Variants in SLIT3 observed in about 807,000 individuals in gnomAD.
The protein encoded by SLIT3 is slit homolog 3 protein.
Under a neutral mutation model 184.0 loss-of-function variants are expected in SLIT3, and 68 were observed. That is an observed-to-expected ratio of 0.37 (90% CI 0.30 to 0.45). The LOEUF (loss-of-function observed/expected upper bound fraction) is 0.45, where lower values mean the gene tolerates loss of function less well. Among genes scored for constraint, SLIT3 ranks in the 20% least tolerant of loss-of-function variants. The pLI is 1.00. For synonymous variants in SLIT3, 831 were observed against 828.6 expected, an observed-to-expected ratio of 1.00 and a Z score of -0.05; for missense variants, 1,707 against 2,026.0, an observed-to-expected ratio of 0.84 and a Z score of 3.02.
chr5:169,100,013 T>C (rs1300214412), intron 4 of SLIT3, among the ~76,000 whole-genome samples: 2 of 152,186 alleles, frequency 1.3e-5, no homozygotes, highest in African/African-American at 4.8e-5. Flanking sequence ...TGACTGGCCT[T>C]TAGCTTGGAA....
chr5:168,678,471 C>T (rs532955339), intron 32 of SLIT3, among the ~76,000 whole-genome samples: 1 of 152,276 alleles, frequency 6.6e-6, no homozygotes, highest in East Asian at 1.9e-4. Context: ...ATCACAAGGT[C>T]AGGAGTTCGA....
intron 4 of SLIT3, among the ~76,000 whole-genome samples, chr5:169,009,542 G>T (rs1283626772): frequency 5.3e-5 from 8 of 152,302 alleles, no homozygotes; most frequent in African/African-American, 1.7e-4. Context: ...GTAAACCAGG[G>T]TTGTCATATT....
intron 4 of SLIT3, among the ~76,000 whole-genome samples, chr5:169,019,252 G>A (rs1022158526): frequency 5.9e-5 from 9 of 152,158 alleles, no homozygotes; most frequent in African/African-American, 1.9e-4. Flanking sequence ...TTGCAGAGGC[G>A]GGAAGCAAGT....
intron 26 of SLIT3, among the ~76,000 whole-genome samples, chr5:168,704,764 G>C (rs570095394): frequency 8.5e-5 from 13 of 152,256 alleles, no homozygotes; most frequent in African/African-American, 3.1e-4. Context: ...AGGTCACTCA[G>C]CTAGTCAATG....
intron 9 of SLIT3, among the ~76,000 whole-genome samples, chr5:168,800,825 T>C (rs943550370): frequency 2.6e-5 from 4 of 152,230 alleles, no homozygotes; most frequent in Non-Finnish European, 4.4e-5. Context: ...GGAAATTATT[T>C]TTTTGTCTTA....
At chr5:168,770,376 C>T (rs1045263813) in intron 14 of SLIT3, among the ~76,000 whole-genome samples, 9 of 152,144 alleles carry the variant, frequency 5.9e-5, no homozygotes, top group African/African-American at 1.9e-4. Flanking sequence ...AAAAGTAAAA[C>T]GCAGAGTTAT....
chr5:169,187,531 T>C (rs1354589454), intron 4 of SLIT3, among the ~76,000 whole-genome samples: 2 of 150,834 alleles, frequency 1.3e-5, no homozygotes, highest in Non-Finnish European at 2.9e-5. Context: ...GGATAAACTT[T>C]TTTTCTTTTC....
At chr5:169,057,593 T>C (rs1274276256) in intron 4 of SLIT3, among the ~76,000 whole-genome samples, 1 of 152,166 alleles carries the variant, frequency 6.6e-6, no homozygotes, top group Non-Finnish European at 1.5e-5. Flanking sequence ...TGCGAGGACC[T>C]CTCAGTAGAA....
chr5:168,867,221 A>T (rs1399452784), intron 5 of SLIT3, among the ~76,000 whole-genome samples: 2 of 152,218 alleles, frequency 1.3e-5, no homozygotes, highest in Non-Finnish European at 2.9e-5. Flanking sequence ...GAAACCATGC[A>T]ATTATTACTT....
At chr5:168,800,334 C>A (rs2113616373) in intron 9 of SLIT3, among the ~76,000 whole-genome samples, 1 of 152,302 alleles carries the variant, frequency 6.6e-6, no homozygotes, top group South Asian at 2.1e-4. Flanking sequence ...GCCTGTAATC[C>A]CAGCACTTTG....
At chr5:168,953,782 CT>C (rs1561570960) in intron 4 of SLIT3, among the ~76,000 whole-genome samples, 1 of 152,204 alleles carries the variant, frequency 6.6e-6, no homozygotes, top group Non-Finnish European at 1.5e-5. Context: ...CTCTTTTGGG[CT>C]CCATAATTTA....
chr5:169,087,103 C>G (rs1759333330), intron 4 of SLIT3, among the ~76,000 whole-genome samples: 1 of 152,234 alleles, frequency 6.6e-6, no homozygotes, highest in Admixed American at 6.5e-5. Flanking sequence ...CTTGCACCCT[C>G]CCGGCATGCT....
intron 17 of SLIT3, 151 bp from the exon 18 acceptor site, chr5:168,753,249 G>A (rs1448235195): frequency 9.3e-6 from 7 of 750,156 alleles, no homozygotes; most frequent in Non-Finnish European, 1.5e-5. Flanking sequence ...TCCTGTGATA[G>A]CAGGGACTGG....
chr5:168,810,018 G>T (rs1757111750), intron 8 of SLIT3, among the ~76,000 whole-genome samples: 1 of 152,170 alleles, frequency 6.6e-6, no homozygotes, highest in Non-Finnish European at 1.5e-5. Context: ...GCCCCTCTGA[G>T]CCTATCTCAC....
chr5:168,725,488 T>A (rs1366252858), intron 20 of SLIT3, among the ~76,000 whole-genome samples: 1 of 152,228 alleles, frequency 6.6e-6, no homozygotes, highest in Non-Finnish European at 1.5e-5. Flanking sequence ...TTTGATCTCC[T>A]TGGTGATCTA....
intron 4 of SLIT3, among the ~76,000 whole-genome samples, chr5:168,891,891 GAC>G (rs1760477044): frequency 6.6e-6 from 1 of 152,186 alleles, no homozygotes; most frequent in Admixed American, 6.5e-5. Context: ...GCTGCATGTG[GAC>G]AACAGGAATA....
At position 169,190,066 on chromosome 5, in the gene SLIT3, C is replaced by A. The variant is rs79084584; in HGVS notation, c.413+3413G>T. The stretch of plus-strand genomic sequence containing the variant: ...AAAATTACTCTCTACTATGGGGAAC[C>A]CATTCTCTAAGCAAGTGGGATGAAC... On this transcript the variant is annotated intron_variant, in intron 4 of 35. Coordinates refer to ENST00000519560, the MANE Select transcript of SLIT3 (RefSeq NM_003062.4). 5.9e-5 allele frequency among the ~76,000 whole-genome samples: 9 copies of A among 152,320 alleles called. No homozygotes were observed. In the East Asian group the frequency reaches 9.6e-4, roughly 16 times the overall value.
At chr5:168,772,998 C>A (rs935983524) in intron 13 of SLIT3, 54 bp from the exon 14 acceptor site, 70 of 1,515,138 alleles carry the variant, frequency 4.6e-5, no homozygotes, top group Non-Finnish European at 5.1e-5. Context: ...TCTTGCTCCA[C>A]CACCACCACC....
At chr5:169,202,816 C>A (rs553852476) in intron 3 of SLIT3, among the ~76,000 whole-genome samples, 6 of 147,208 alleles carry the variant, frequency 4.1e-5, no homozygotes, top group African/African-American at 1.5e-4. Context: ...CCGCAACACA[C>A]ACATACCAAA....
Sources: allele counts gnomAD v4.1 joint callset (sites outside exome capture counted in the v4.1 genomes callset), GRCh38; gene constraint gnomAD v4.1.1; transcripts MANE v1.5; gene names NCBI Gene and HGNC (gene_info 2026-07-23, HGNC 2026-07-21).